The following ERBB4 variants were observed in gnomAD, a reference collection of about 807,000 sequenced individuals.
ERBB4 encodes receptor tyrosine-protein kinase erbB-4.
A neutral mutation model predicts 158.0 loss-of-function variants in ERBB4; 42 were observed. The observed-to-expected ratio is 0.27, with a 90% CI of 0.21 to 0.34. The LOEUF is 0.34. Ranked by LOEUF, ERBB4 falls within the 10% of genes least tolerant of loss-of-function variation. The pLI, the probability that ERBB4 is intolerant of heterozygous loss-of-function variation, is 1.00. For synonymous variants in ERBB4, 583 were observed against 558.7 expected (o/e 1.04, Z -0.61); for missense variants, 1,333 against 1,624.1 (o/e 0.82, Z 3.08).
intron 25 of ERBB4, among the ~76,000 whole-genome samples, chr2:211,389,938 T>G (rs1052828633): frequency 6.6e-6 from 1 of 152,220 alleles, no homozygotes; most frequent in Non-Finnish European, 1.5e-5. Flanking sequence ...CCAAAGCTAC[T>G]CATCAGAGGC....
At chr2:211,670,772 C>T (rs965169646) in intron 14 of ERBB4, among the ~76,000 whole-genome samples, 6 of 152,130 alleles carry the variant, frequency 3.9e-5, no homozygotes, top group African/African-American at 1.4e-4. Context: ...ACAGAACTAG[C>T]TCACAAAAGG....
chr2:211,987,923 G>T (rs751839798), intron 2 of ERBB4, among the ~76,000 whole-genome samples: 1 of 152,014 alleles, frequency 6.6e-6, no homozygotes, highest in Non-Finnish European at 1.5e-5. Context: ...TTCAGAACTC[G>T]CCACTAAAGT....
intron 3 of ERBB4, among the ~76,000 whole-genome samples, chr2:211,877,776 A>G (rs1225665316): frequency 1.3e-5 from 2 of 152,238 alleles, no homozygotes; most frequent in African/African-American, 4.8e-5. Flanking sequence ...ATTTTTATTT[A>G]CATTGTATGT....
At chr2:211,412,209 G>T (rs2063277271) in intron 25 of ERBB4, among the ~76,000 whole-genome samples, 1 of 152,126 alleles carries the variant, frequency 6.6e-6, no homozygotes, top group Non-Finnish European at 1.5e-5. Flanking sequence ...TTGGAAGAAA[G>T]TCCATCTCAC....
intron 1 of ERBB4, among the ~76,000 whole-genome samples, chr2:212,160,959 A>T (rs954985824): frequency 1.3e-5 from 2 of 152,028 alleles, no homozygotes; most frequent in Non-Finnish European, 2.9e-5. Flanking sequence ...ATTGCCAAAG[A>T]AGCACTGCAA....
intron 2 of ERBB4, among the ~76,000 whole-genome samples, chr2:212,029,876 C>CA (rs1339249867): frequency 2.0e-5 from 3 of 152,158 alleles, no homozygotes; most frequent in Admixed American, 2.0e-4. Flanking sequence ...TCAAATTCTA[C>CA]AATCCCCACT....
chr2:211,809,124 T>C (rs112965667), intron 3 of ERBB4, among the ~76,000 whole-genome samples: 44,231 of 152,106 alleles, frequency 0.29, 6,824 homozygotes, highest in East Asian at 0.4. Flanking sequence ...TTCATTTCTT[T>C]CTCTTGCCTG....
chr2:211,503,914 C>A (rs1424879056), intron 20 of ERBB4, among the ~76,000 whole-genome samples: 2 of 152,088 alleles, frequency 1.3e-5, no homozygotes. Context: ...CTAGATTGAT[C>A]CCACCCTTTC....
At chr2:212,288,514 C>G (rs1273802817) in intron 1 of ERBB4, among the ~76,000 whole-genome samples, 1 of 152,064 alleles carries the variant, frequency 6.6e-6, no homozygotes, top group African/African-American at 2.4e-5. Flanking sequence ...GAAGTTCACG[C>G]CTTTTGCAGT....
chr2:212,353,092 T>C (rs1325555180), intron 1 of ERBB4, among the ~76,000 whole-genome samples: 1 of 152,072 alleles, frequency 6.6e-6, no homozygotes, highest in Non-Finnish European at 1.5e-5. Context: ...TCTAATTTCA[T>C]GTTTTTCTGT....
intron 1 of ERBB4, among the ~76,000 whole-genome samples, chr2:212,305,189 C>T (rs993495243): frequency 6.6e-6 from 1 of 151,294 alleles, no homozygotes; most frequent in Non-Finnish European, 1.5e-5. Context: ...GTACATTTAG[C>T]AGAACCAAAT....
chr2:211,879,836 A>G (rs1011723770), intron 3 of ERBB4, among the ~76,000 whole-genome samples: 1 of 152,064 alleles, frequency 6.6e-6, no homozygotes, highest in Non-Finnish European at 1.5e-5. Flanking sequence ...TATAAGTTCC[A>G]ATATGTGAAG....
intron 18 of ERBB4, among the ~76,000 whole-genome samples, chr2:211,622,142 T>C (rs1005120387): frequency 3.3e-5 from 5 of 152,230 alleles, no homozygotes; most frequent in Admixed American, 3.3e-4. Flanking sequence ...ACATAATTCG[T>C]TGATATTTTA....
intron 12 of ERBB4, among the ~76,000 whole-genome samples, chr2:211,698,314 G>GA (rs780824731): frequency 0.19 from 16,279 of 87,692 alleles, 1,209 homozygotes; most frequent in Non-Finnish European, 0.21. Context: ...CTCCGTCTCA[G>GA]AAAAAAAAAA....
intron 7 of ERBB4, among the ~76,000 whole-genome samples, chr2:211,715,634 G>C (rs1213763792): frequency 1.3e-5 from 2 of 152,122 alleles, no homozygotes; most frequent in Admixed American, 6.5e-5. Context: ...CGTTGCAAGA[G>C]TGAGTTAGCA....
chr2:211,672,377 C>T (rs75622351), intron 14 of ERBB4, among the ~76,000 whole-genome samples: 1,926 of 152,046 alleles, frequency 0.013, 50 homozygotes, highest in African/African-American at 0.044. Context: ...ATACTGATCT[C>T]ATTATTAAGA....
chr2:211,865,521 CTT>C (rs2078182371), intron 3 of ERBB4, among the ~76,000 whole-genome samples: 3 of 152,032 alleles, frequency 2.0e-5, no homozygotes, highest in Admixed American at 1.3e-4. Context: ...GAGTTTCACT[CTT>C]GTTTCCCAGG....
intron 5 of ERBB4, among the ~76,000 whole-genome samples, chr2:211,748,281 T>G (rs1043884541): frequency 6.6e-6 from 1 of 152,090 alleles, no homozygotes; most frequent in African/African-American, 2.4e-5. Context: ...AATAGTATTA[T>G]TAATTTTAAT....
intron 5 of ERBB4, among the ~76,000 whole-genome samples, chr2:211,732,325 C>G (rs1211658446): frequency 6.6e-6 from 1 of 151,360 alleles, no homozygotes; most frequent in East Asian, 1.9e-4. Flanking sequence ...AGTGTATTAT[C>G]TAACATATTT....
Sources: gnomAD v4.1 joint callset for allele counts (sites outside exome capture counted in the v4.1 genomes callset) on GRCh38, gnomAD v4.1.1 for gene constraint, MANE v1.5 for transcripts, NCBI Gene and HGNC (gene_info 2026-07-23, HGNC 2026-07-21) for gene names.